Variants in NFRKB observed in about 807,000 individuals in gnomAD.
NFRKB encodes nuclear factor related to kappa-B-binding protein.
NFRKB carries 62 observed loss-of-function variants against 135.7 expected under a neutral mutation model. The observed-to-expected ratio is 0.46, with a 90% confidence interval of 0.37 to 0.56. The LOEUF is 0.56. Among genes scored for constraint, NFRKB ranks in the 20% least tolerant of loss-of-function variants. NFRKB has a pLI of 0.00. For synonymous variants in NFRKB, 678 were observed against 635.6 expected, an observed-to-expected ratio of 1.07 and a Z score of -1.00; for missense variants, 1,545 against 1,662.0, an observed-to-expected ratio of 0.93 and a Z score of 1.22.
chr11:129,883,781 C>G (rs1229154045), intron 8 of NFRKB, among the ~76,000 whole-genome samples: 1 of 152,086 alleles, frequency 6.6e-6, no homozygotes, highest in Non-Finnish European at 1.5e-5. Context: ...GCTATAGGAC[C>G]AAGGACAAGC....
In NFRKB at chr11:129,873,729, C is replaced by T. The variant is rs765316041; in HGVS notation, c.2550+16G>A. ...CTGCATCTCTGCTTCCCAATGACCA[C>T]GGCTTCCCTGTTTACCTGGGGCACT... On this transcript the variant is annotated intron_variant, in intron 22 of 26. Coordinates refer to ENST00000682444, the MANE Select transcript of NFRKB (RefSeq NM_001143835.2). 3.4e-5 allele frequency: 55 copies of T among 1,607,272 alleles called. No individual in the cohort carries two copies. In the East Asian group the frequency reaches 5.6e-4, roughly 16 times the overall value.
intron 15 of NFRKB, among the ~76,000 whole-genome samples, chr11:129,877,804 T>C (rs1437468637): frequency 6.6e-6 from 1 of 152,146 alleles, no homozygotes; most frequent in Non-Finnish European, 1.5e-5. Context: ...GAAGCAAAAG[T>C]TCTGCCACAC....
At position 129,869,782 on chromosome 11, in the gene NFRKB, T is replaced by C. The variant is rs1335569343; in HGVS notation, c.3243A>G (p.Glu1081=). 1.2e-6 allele frequency: 2 copies of C among 1,614,132 alleles called. No individual in the cohort carries two copies. The highest frequency in any genetic ancestry group is 1.7e-6 in the Non-Finnish European group (2 of 1,180,048). ...TGCGGATCGTGGCAGCTGGTTTTGCTTCTGAAGAGGCCACTGTGCTTTTTC... is the reference window on the plus strand; with the variant it reads ...TGCGGATCGTGGCAGCTGGTTTTGCCTCTGAAGAGGCCACTGTGCTTTTTC... ...QKGKSTVASS[E]AKPAATIRIV... The change falls in exon 24 of 27, where the codon GAA becomes GAG. Residue 1081 remains glutamate (E), a synonymous_variant. Transcript: ENST00000682444.
At chr11:129,868,999 A>T (rs934776197) in intron 24 of NFRKB, among the ~76,000 whole-genome samples, 2 of 152,206 alleles carry the variant, frequency 1.3e-5, no homozygotes, top group Admixed American at 1.3e-4. Context: ...CAGCCTGGGC[A>T]ACAAGAGTGA....
chr11:129,874,413 G>A lies in NFRKB; in HGVS notation c.2059-80C>T. The stretch of plus-strand genomic sequence containing the variant: ...AAGGGACACCCCTACAGCTCCTGAT[G>A]CCCCACACCAAGTGAAAGCCGAGCA... On this transcript the variant is annotated intron_variant, in intron 20 of 26. Transcript: ENST00000682444. This position sits in a 1 kb window ranked among gnomAD's most constrained non-coding sequence, Gnocchi z 4.5. 1 of 1,542,684 alleles carries A rather than the reference G, an allele frequency of 6.5e-7. No homozygotes were observed.
chr11:129,865,804 TGACAAG>T (rs1274442240), intron 25 of NFRKB, 67 bp downstream of exon 25: 1 of 1,363,896 alleles, frequency 7.3e-7, no homozygotes, highest in Non-Finnish European at 1.0e-6. Context: ...TGCCACTCGG[TGACAAG>T]GACTGGTAAG....
chr11:129,894,433 G>A lies in NFRKB; in HGVS notation c.-96C>T, dbSNP rs1272280651. 6.6e-6 allele frequency: 1 copy of A among 152,126 alleles called. No homozygotes were observed. The highest frequency in any genetic ancestry group is 1.5e-5 in the Non-Finnish European group (1 of 68,016). 9.4% of individuals were successfully genotyped at this position (152,126 alleles called of 1,614,324 possible). A position where few individuals can be genotyped will look rare whatever the true frequency, so the allele number is the denominator to read the frequency against. The stretch of plus-strand genomic sequence containing the variant: ...CCTCCCTCCCGTTATTTCCAATTCT[G>A]GAATCCTGCAATGAATAATCTCTAG... On this transcript the variant is annotated 5_prime_UTR_variant, in exon 2 of 27. Transcript: ENST00000682444.
In NFRKB at chr11:129,864,170, T is replaced by A. The variant is rs1948082526; in HGVS notation, c.*555A>T. 1 of 152,762 alleles carries A rather than the reference T, an allele frequency of 6.5e-6. No individual in the cohort carries two copies. The highest frequency in any genetic ancestry group is 2.1e-4 in the South Asian group (1 of 4,844). 9.5% of individuals were successfully genotyped at this position (152,762 alleles called of 1,614,324 possible). A position where few individuals can be genotyped will look rare whatever the true frequency, so the allele number is the denominator to read the frequency against. On this transcript the variant is annotated 3_prime_UTR_variant, in exon 27 of 27. Transcript: ENST00000682444. ...AAGCTGGCTACCACCTTACTAAGAT[T>A]CTTGCCATTTTCTCATTCTAGTCAA... is the stretch of plus-strand genomic sequence containing the variant.
chr11:129,877,221 G>C (rs1948808209), intron 16 of NFRKB, 104 bp downstream of exon 16: 1 of 1,162,574 alleles, frequency 8.6e-7, no homozygotes, highest in Admixed American at 1.7e-5. Flanking sequence ...AAGGGGAAAG[G>C]TATGAGTTTC....
At chr11:129,879,305 T>A (rs1265964883) in intron 13 of NFRKB, among the ~76,000 whole-genome samples, 1 of 152,216 alleles carries the variant, frequency 6.6e-6, no homozygotes, top group African/African-American at 2.4e-5. Flanking sequence ...AACTAAAGCA[T>A]CTGGCCGACA....
chr11:129,867,436 C>A (rs1408436275), intron 24 of NFRKB, among the ~76,000 whole-genome samples: 2 of 151,484 alleles, frequency 1.3e-5, no homozygotes, highest in African/African-American at 4.9e-5. Flanking sequence ...CCTGCCTCAG[C>A]CCCCTGAGTA....
chr11:129,873,340 T>C (rs1055780016), intron 22 of NFRKB, among the ~76,000 whole-genome samples: 6 of 152,216 alleles, frequency 3.9e-5, no homozygotes, highest in African/African-American at 1.4e-4. Context: ...AAATACTATC[T>C]TACCCCTTTT....
At chr11:129,875,928 A>C (rs1193093192) in intron 17 of NFRKB, among the ~76,000 whole-genome samples, 8 of 152,138 alleles carry the variant, frequency 5.3e-5, no homozygotes. Context: ...AAGTGCTGGG[A>C]TTACATGCAT....
rs1376498283 is a variant in NFRKB at position 129,885,553 on chromosome 11, G to A, written c.522C>T (p.Arg174=). The change falls in exon 6 of 27, where the codon CGC becomes CGT. Residue 174 remains arginine (R), a synonymous_variant. Coordinates refer to ENST00000682444, the MANE Select transcript of NFRKB (RefSeq NM_001143835.2). The part of the protein sequence containing the change: ...SGPALPFRQK[R]PSPSRTPEER... ...CCTCAGGTGTGCGGGATGGTGAAGGGCGTTTCTGCCGGAAGGGAAGGGCGG... is the reference window on the plus strand; with the variant it reads ...CCTCAGGTGTGCGGGATGGTGAAGGACGTTTCTGCCGGAAGGGAAGGGCGG... The A allele has an allele frequency of 1.9e-6, 3 of 1,613,964 alleles. No individual in the cohort carries two copies. The highest frequency in any genetic ancestry group is 3.3e-4 in the Middle Eastern group (2 of 6,060).
At chr11:129,877,517 C>CTCTT in intron 15 of NFRKB, 132 bp from the exon 16 acceptor site, 1 of 821,144 alleles carries the variant, frequency 1.2e-6, no homozygotes, top group East Asian at 2.4e-5. Context: ...CTTACAAAGG[C>CTCTT]GAAGAGCCCA....
intron 8 of NFRKB, 26 bp downstream of exon 8, chr11:129,884,044 A>G (rs1949154288): frequency 6.2e-7 from 1 of 1,613,022 alleles, no homozygotes; most frequent in Non-Finnish European, 8.5e-7. Context: ...TGAAAACCAC[A>G]CGGCCGCACG....
At chr11:129,885,762 T>C (rs1160922720) in intron 5 of NFRKB, among the ~76,000 whole-genome samples, 153 bp from the exon 6 acceptor site, 1 of 152,246 alleles carries the variant, frequency 6.6e-6, no homozygotes, top group Non-Finnish European at 1.5e-5. Context: ...TATTAATATA[T>C]CCGAAGAATC....
chr11:129,869,950 C>T lies in NFRKB; in HGVS notation c.3075G>A (p.Lys1025=), dbSNP rs148210786. The stretch of plus-strand genomic sequence containing the variant: ...ATGAAGGGGCACTGGCTGAACTGGC[C>T]TTGGCAGGGCTATCAGCTGCATGTA... ...NPVHAADSPA[K]ASSASAPSST... is the part of the protein sequence containing the mutation. The change falls in exon 24 of 27, where the codon AAG becomes AAA. Residue 1025 remains lysine, a synonymous_variant. Coordinates refer to ENST00000682444, the MANE Select transcript of NFRKB (RefSeq NM_001143835.2). The T allele has an allele frequency of 4.3e-6, 7 of 1,614,128 alleles. No individual in the cohort carries two copies. In the African/African-American group the frequency reaches 6.7e-5, roughly 15 times the overall value.
intron 24 of NFRKB, among the ~76,000 whole-genome samples, chr11:129,868,513 G>A (rs536390328): frequency 2.9e-4 from 44 of 152,298 alleles, no homozygotes; most frequent in Admixed American, 2.4e-3. Flanking sequence ...AGGCGGCACC[G>A]CTGGAGTATC....
Sources: allele counts gnomAD v4.1 joint callset (sites outside exome capture counted in the v4.1 genomes callset), GRCh38; gene constraint gnomAD v4.1.1; non-coding constraint Gnocchi (gnomAD v3.1); transcripts MANE v1.5; gene names NCBI Gene and HGNC (gene_info 2026-07-23, HGNC 2026-07-21).